Variants in SLC4A4 observed in about 807,000 individuals in gnomAD.
SLC4A4 encodes solute carrier family 4 member 4.
A neutral mutation model predicts 111.5 loss-of-function variants in SLC4A4; 27 were observed. That is an observed-to-expected ratio of 0.24 (90% CI 0.18 to 0.33). The LOEUF (loss-of-function observed/expected upper bound fraction) is 0.33. SLC4A4 is among the 10% of genes least tolerant of loss of function. SLC4A4 has a pLI of 1.00. For missense variants in SLC4A4, 909 were observed against 1,315.5 expected, an observed-to-expected ratio of 0.69 and a Z score of 4.78; for synonymous variants, 443 against 463.4, an observed-to-expected ratio of 0.96 and a Z score of 0.57.
chr4:71,181,449 T>C (rs565478611), intron 2 of SLC4A4, among the ~76,000 whole-genome samples: 1 of 152,252 alleles, frequency 6.6e-6, no homozygotes, highest in South Asian at 2.1e-4. Flanking sequence ...TGGAAGCAAA[T>C]AGTGCTTTTA....
chr4:71,379,259 T>C (rs1717858941), intron 6 of SLC4A4, among the ~76,000 whole-genome samples: 1 of 152,150 alleles, frequency 6.6e-6, no homozygotes, highest in Non-Finnish European at 1.5e-5. Flanking sequence ...AAGCCTGAGT[T>C]CTCTAGCCTG....
intron 3 of SLC4A4, among the ~76,000 whole-genome samples, chr4:71,265,939 C>A (rs1324233451): frequency 6.6e-6 from 1 of 152,088 alleles, no homozygotes; most frequent in East Asian, 1.9e-4. Flanking sequence ...TTTAAACATA[C>A]CCTAGTCTTC....
chr4:71,553,713 A>G (rs555658183), intron 20 of SLC4A4, among the ~76,000 whole-genome samples: 9 of 151,764 alleles, frequency 5.9e-5, no homozygotes, highest in Non-Finnish European at 1.2e-4. Context: ...ACATTTATAC[A>G]CAAGAATCAC....
At chr4:71,094,511 G>T (rs1488732916) in intron 2 of SLC4A4, among the ~76,000 whole-genome samples, 1 of 152,130 alleles carries the variant, frequency 6.6e-6, no homozygotes, top group African/African-American at 2.4e-5. Context: ...AATATTTAAG[G>T]CTGCAGTACT....
At chr4:71,183,589 T>C (rs541971597), upstream of SLC4A4, among the ~76,000 whole-genome samples, 40 of 152,344 alleles carry the variant, frequency 2.6e-4, no homozygotes, top group African/African-American at 9.1e-4. Context: ...GATCTATATC[T>C]ATCTATCTTT....
intron 1 of SLC4A4, among the ~76,000 whole-genome samples, chr4:71,070,001 G>C (rs1375961563): frequency 2.0e-5 from 3 of 152,116 alleles, no homozygotes; most frequent in Non-Finnish European, 4.4e-5. Flanking sequence ...ACCCTCATAA[G>C]TCTGTCTTTG....
intron 7 of SLC4A4, among the ~76,000 whole-genome samples, chr4:71,415,732 C>G (rs1278977367): frequency 6.6e-6 from 1 of 152,068 alleles, no homozygotes; most frequent in East Asian, 1.9e-4. Context: ...CTCTGTCACC[C>G]CCTTTATCCA....
At chr4:71,252,524 A>G (rs1216525527) in intron 2 of SLC4A4, among the ~76,000 whole-genome samples, 1 of 152,140 alleles carries the variant, frequency 6.6e-6, no homozygotes, top group Non-Finnish European at 1.5e-5. Context: ...TGAGAGGAGG[A>G]GGATGCTTTA....
At chr4:71,284,793 A>G (rs776423098) in intron 3 of SLC4A4, among the ~76,000 whole-genome samples, 1 of 152,020 alleles carries the variant, frequency 6.6e-6, no homozygotes, top group Non-Finnish European at 1.5e-5. Flanking sequence ...ATATATCTGT[A>G]TTCTTACATT....
intron 7 of SLC4A4, among the ~76,000 whole-genome samples, chr4:71,420,898 C>A (rs1722397631): frequency 6.7e-6 from 1 of 150,120 alleles, no homozygotes; most frequent in Admixed American, 6.7e-5. Flanking sequence ...AATGTAAAGA[C>A]CATTGAGACT....
intron 16 of SLC4A4, among the ~76,000 whole-genome samples, chr4:71,511,729 G>A (rs1301389934): frequency 6.6e-6 from 1 of 151,958 alleles, no homozygotes; most frequent in East Asian, 1.9e-4. Context: ...CCTTCTGTCT[G>A]TATCATTATA....
chr4:71,281,917 T>A (rs1319613786), intron 3 of SLC4A4, among the ~76,000 whole-genome samples: 2 of 151,594 alleles, frequency 1.3e-5, no homozygotes, highest in Non-Finnish European at 2.9e-5. Context: ...ATCTCTTTTT[T>A]CTCTTTCTTT....
At chr4:71,158,097 CTGTGTGTGTGTGTGTGTGTGTGTGTG>C (rs139897656) in intron 2 of SLC4A4, among the ~76,000 whole-genome samples, 1 of 137,078 alleles carries the variant, frequency 7.3e-6, no homozygotes, top group Non-Finnish European at 1.6e-5. Flanking sequence ...ATCCTTGACT[CTGTGTGTGTGTGTGTGTGTGTGTGTG>C]TGTGTGTGTG....
At chr4:71,159,340 CT>C (rs1744561662) in intron 2 of SLC4A4, among the ~76,000 whole-genome samples, 1 of 152,070 alleles carries the variant, frequency 6.6e-6, no homozygotes, top group South Asian at 2.1e-4. Flanking sequence ...CTCTCTTTCT[CT>C]TTTTATTGAC....
At chr4:71,236,373 T>A in intron 1 of SLC4A4, 1 of 796,188 alleles carries the variant, frequency 1.3e-6, no homozygotes, top group Non-Finnish European at 1.9e-6. Context: ...AGGTTAGAAC[T>A]GAAGCTATGT....
At chr4:71,507,122 A>G (rs949245586) in intron 16 of SLC4A4, among the ~76,000 whole-genome samples, 1 of 151,770 alleles carries the variant, frequency 6.6e-6, no homozygotes, top group Non-Finnish European at 1.5e-5. Flanking sequence ...AGAAACCCTT[A>G]CCAGCCACTA....
chr4:71,280,288 AT>A (rs1290411843), intron 3 of SLC4A4, among the ~76,000 whole-genome samples: 1 of 152,058 alleles, frequency 6.6e-6, no homozygotes, highest in Non-Finnish European at 1.5e-5. Context: ...TTCCTTATAT[AT>A]TTTAGTTCTT....
intron 1 of SLC4A4, among the ~76,000 whole-genome samples, chr4:71,229,542 A>G (rs1033489536): frequency 6.6e-6 from 1 of 152,118 alleles, no homozygotes; most frequent in Non-Finnish European, 1.5e-5. Context: ...TGGGGCTCTC[A>G]CCTATTTCCC....
chr4:71,366,315 T>TTGTGTGTG (rs71673473), intron 6 of SLC4A4, among the ~76,000 whole-genome samples: 21,202 of 137,752 alleles, frequency 0.15, 2,036 homozygotes, highest in Non-Finnish European at 0.2. Context: ...TCTGGAGATA[T>TTGTGTGTG]TGTGTGTGTG....
Sources: gnomAD v4.1 joint callset for allele counts (sites outside exome capture counted in the v4.1 genomes callset) on GRCh38, gnomAD v4.1.1 for gene constraint, MANE v1.5 for transcripts, NCBI Gene and HGNC (gene_info 2026-07-23, HGNC 2026-07-21) for gene names.